SPATA6: variants seen among roughly 807,000 people sequenced by gnomAD.
SPATA6 encodes the protein spermatogenesis-associated protein 6.
SPATA6 carries 56 observed loss-of-function variants against 65.3 expected under a neutral mutation model. The observed-to-expected ratio is 0.86, with a 90% CI of 0.69 to 1.07. SPATA6 has a LOEUF of 1.07. Among genes scored for constraint, SPATA6 ranks in the 50% least tolerant of loss-of-function variants. SPATA6 has a pLI of 0.00. For missense variants in SPATA6, 590 were observed against 594.8 expected, an observed-to-expected ratio of 0.99 and a Z score of 0.08; for synonymous variants, 199 against 213.2, an observed-to-expected ratio of 0.93 and a Z score of 0.58.
At chr1:48,290,696 C>T (rs1400601495), downstream of SPATA6, among the ~76,000 whole-genome samples, 1 of 152,100 alleles carries the variant, frequency 6.6e-6, no homozygotes, top group African/African-American at 2.4e-5. Context: ...AAGTTGCAAT[C>T]CTAGTCTCTG....
At chr1:48,377,077 C>G (rs1307488856) in intron 9 of SPATA6, among the ~76,000 whole-genome samples, 5 of 152,150 alleles carry the variant, frequency 3.3e-5, no homozygotes, top group Non-Finnish European at 4.4e-5. Flanking sequence ...CCCTCCATTA[C>G]TACCACCCCA....
chr1:48,404,076 A>G (rs992972211), intron 5 of SPATA6, among the ~76,000 whole-genome samples, 194 bp from the exon 6 acceptor site: 2 of 152,196 alleles, frequency 1.3e-5, no homozygotes, highest in African/African-American at 4.8e-5. Flanking sequence ...TCTGCTGATG[A>G]TTCCATCATG....
At chr1:48,269,775 CAT>C in the SPATA6 span, among the ~76,000 whole-genome samples, 64 of 151,136 alleles carry the variant, frequency 4.2e-4, 1 homozygote, top group East Asian at 3.9e-4. Context: ...ATATAACAAA[CAT>C]AAATAAATCA....
chr1:48,358,754 A>G (rs1299148572), intron 10 of SPATA6, among the ~76,000 whole-genome samples: 1 of 152,176 alleles, frequency 6.6e-6, no homozygotes, highest in East Asian at 1.9e-4. Context: ...CATGATTCTA[A>G]TGGACTAGAA....
At chr1:48,431,263 A>C (rs894946798) in intron 3 of SPATA6, among the ~76,000 whole-genome samples, 1 of 152,194 alleles carries the variant, frequency 6.6e-6, no homozygotes, top group Non-Finnish European at 1.5e-5. Flanking sequence ...TCATAAAAAT[A>C]CATGAAACAA....
At chr1:48,361,011 C>T (rs1032419699) in intron 9 of SPATA6, among the ~76,000 whole-genome samples, 1 of 152,108 alleles carries the variant, frequency 6.6e-6, no homozygotes, top group Non-Finnish European at 1.5e-5. Context: ...TAGTTTTGGA[C>T]ATATTAAGCT....
intron 9 of SPATA6, among the ~76,000 whole-genome samples, chr1:48,371,133 G>A (rs1185870073): frequency 1.3e-5 from 2 of 152,030 alleles, no homozygotes; most frequent in Non-Finnish European, 2.9e-5. Context: ...ACATGACAAG[G>A]CAGTTTATTC....
intron 3 of SPATA6, among the ~76,000 whole-genome samples, chr1:48,432,337 T>TC (rs1654480615): frequency 6.6e-6 from 1 of 152,056 alleles, no homozygotes; most frequent in African/African-American, 2.4e-5. Context: ...AAAAGGCAGT[T>TC]ATCAATGCAG....
intron 9 of SPATA6, 76 bp downstream of exon 9, chr1:48,385,233 T>G (rs1187425815): frequency 8.0e-7 from 1 of 1,250,416 alleles, no homozygotes; most frequent in Non-Finnish European, 1.1e-6. Flanking sequence ...CTATCTGATA[T>G]ACATATATAT....
intron 3 of SPATA6, among the ~76,000 whole-genome samples, chr1:48,422,296 A>T (rs1357093421): frequency 6.6e-6 from 1 of 152,244 alleles, no homozygotes; most frequent in African/African-American, 2.4e-5. Context: ...CAAAGCCAAG[A>T]TCTGGGAGAA....
the SPATA6 span, among the ~76,000 whole-genome samples, chr1:48,287,794 T>A: frequency 5.9e-3 from 895 of 152,360 alleles, 5 homozygotes; most frequent in South Asian, 0.013. Context: ...TATTTCTTTA[T>A]AACAATGCAA....
the SPATA6 span, among the ~76,000 whole-genome samples, chr1:48,272,103 G>A: frequency 1.3e-5 from 2 of 152,034 alleles, no homozygotes; most frequent in Non-Finnish European, 2.9e-5. Flanking sequence ...ATAACTTGAC[G>A]TTTTGATATA....
the SPATA6 span, among the ~76,000 whole-genome samples, chr1:48,282,434 A>T: frequency 6.6e-6 from 1 of 152,198 alleles, no homozygotes. Flanking sequence ...CAACCTACTC[A>T]TCTGAGAAAG....
the SPATA6 span, among the ~76,000 whole-genome samples, chr1:48,277,674 G>A: frequency 6.6e-6 from 1 of 152,212 alleles, no homozygotes; most frequent in Non-Finnish European, 1.5e-5. Context: ...CAAAGCAGCT[G>A]GGAAGCTCGA....
intron 11 of SPATA6, among the ~76,000 whole-genome samples, chr1:48,340,697 C>G (rs1033957056): frequency 6.6e-6 from 1 of 151,610 alleles, no homozygotes; most frequent in Non-Finnish European, 1.5e-5. Context: ...CCAACAATAT[C>G]AAGTAATTAA....
chr1:48,294,201 C>T (rs887868105), downstream of SPATA6, among the ~76,000 whole-genome samples: 1 of 152,216 alleles, frequency 6.6e-6, no homozygotes, highest in Non-Finnish European at 1.5e-5. Context: ...CTCATACTCC[C>T]GAGTAGCTGG....
At chr1:48,379,757 CTCT>C (rs201271591) in intron 9 of SPATA6, among the ~76,000 whole-genome samples, 2 of 151,784 alleles carry the variant, frequency 1.3e-5, no homozygotes, top group South Asian at 4.2e-4. Context: ...AAGCCACTTT[CTCT>C]TCTTTATTTA....
chr1:48,282,126 G>C, the SPATA6 span, among the ~76,000 whole-genome samples: 1 of 152,196 alleles, frequency 6.6e-6, no homozygotes, highest in Non-Finnish European at 1.5e-5. Flanking sequence ...AAACTGGCTA[G>C]CCATATGTAG....
chr1:48,469,873 C>T (rs921202756), intron 1 of SPATA6, among the ~76,000 whole-genome samples: 2 of 151,832 alleles, frequency 1.3e-5, no homozygotes, highest in African/African-American at 4.8e-5. Flanking sequence ...TTTTAAAAGG[C>T]TTTTGTTGTT....
Sources: allele counts gnomAD v4.1 joint callset (sites outside exome capture counted in the v4.1 genomes callset), GRCh38; gene constraint gnomAD v4.1.1; transcripts MANE v1.5; gene names NCBI Gene and HGNC (gene_info 2026-07-23, HGNC 2026-07-21).